HNRNPU: variants seen among roughly 807,000 people sequenced by gnomAD.
HNRNPU encodes heterogeneous nuclear ribonucleoprotein U, also known as HNRNPU antisense RNA 1.
In HNRNPU, 5 loss-of-function variants were observed where a neutral mutation model predicts 94.7. The observed-to-expected ratio is 0.05, with a 90% CI of 0.03 to 0.11. The LOEUF (loss-of-function observed/expected upper bound fraction) is 0.11. HNRNPU is among the 10% of genes least tolerant of loss of function. HNRNPU has a pLI of 1.00. For missense variants in HNRNPU, 710 were observed against 1,049.2 expected (o/e 0.68, Z 4.47); for synonymous variants, 434 against 381.6 (o/e 1.14, Z -1.60).
At chr1:244,857,345 A>G (rs570316164) in intron 8 of HNRNPU, 20 of 355,428 alleles carry the variant, frequency 5.6e-5, no homozygotes, top group Middle Eastern at 7.8e-4. Context: ...TCCCAGGTTC[A>G]AGTAATTGTC....
intron 1 of HNRNPU, 165 bp from the exon 2 acceptor site, chr1:244,862,895 G>A: frequency 4.6e-6 from 3 of 650,748 alleles, no homozygotes; most frequent in Non-Finnish European, 8.3e-6. Flanking sequence ...AATTCGATTG[G>A]CGCTAGTGAC....
rs141285794 is a variant in HNRNPU, at chr1:244,860,218, T to C, written c.1017+117A>G. On this transcript the variant is annotated intron_variant, in intron 4 of 13. Transcript: ENST00000640218. Reference sequence around the variant, plus strand: ...GAGAGACTGAAGCAAGGAGAATCGCTTGAACCCAGGACGCGGAGGTTGCAG... The same window carrying C: ...GAGAGACTGAAGCAAGGAGAATCGCCTGAACCCAGGACGCGGAGGTTGCAG... The C allele has an allele frequency of 1.7e-3, 1,293 of 764,762 alleles. 13 individuals carry two copies. The African/African-American group carries it at 0.022, about 13-fold the overall frequency. 47.4% of individuals were successfully genotyped at this position (764,762 alleles called of 1,614,324 possible).
At chr1:244,855,116 G>A (rs918851091) in intron 12 of HNRNPU, 72 bp from the exon 13 acceptor site, 20 of 1,182,922 alleles carry the variant, frequency 1.7e-5, no homozygotes, top group South Asian at 7.3e-5. Context: ...TGAGAGAGAG[G>A]AGCAGAAATG....
intron 4 of HNRNPU, 188 bp from the exon 5 acceptor site, chr1:244,859,562 TTAAA>T (rs1680772862): frequency 4.9e-6 from 2 of 409,526 alleles, no homozygotes; most frequent in African/African-American, 2.0e-5. Context: ...ATTTAAAGAG[TTAAA>T]TACTTATTTG....
At chr1:244,859,456 G>A in intron 4 of HNRNPU, 82 bp from the exon 5 acceptor site, 3 of 685,538 alleles carry the variant, frequency 4.4e-6, no homozygotes, top group Non-Finnish European at 7.8e-6. Context: ...TTGCGCCACG[G>A]GCTAATCTTC....
In HNRNPU at chr1:244,855,521, G is replaced by T. The variant is rs1295026086; in HGVS notation, c.2255C>A (p.Pro752Gln). The change falls in exon 12 of 14, where the codon CCA becomes CAA. Residue 752 changes from proline (P) to glutamine (Q), a missense_variant. By Grantham distance (76) the Pro-to-Gln change is moderately conservative. This residue lies in a region of HNRNPU where 152 missense variants were observed against 238.9 expected (regional missense o/e 0.64). Coordinates refer to ENST00000640218, the MANE Select transcript of HNRNPU (RefSeq NM_031844.3). ...GGGGSGGIGY[P>Q]YPRAPVFPGR... The stretch of plus-strand genomic sequence containing the variant: ...AGGAAAAACAGGGGCACGAGGGTAT[G>T]GATAGCCGATTCCACCACTTCCTCC... 6.2e-7 allele frequency: 1 copy of T among 1,613,884 alleles called. No individual in the cohort carries two copies. Among genetic ancestry groups the T allele is most frequent in the African/African-American group, 1.3e-5 (1 of 74,888 alleles).
In HNRNPU at chr1:244,858,756, A is replaced by C; in HGVS notation, c.1203T>G (p.Asp401Glu). Residue 401 changes from aspartate to glutamate, a missense_variant, in exon 6 of 14, where the codon GAT (aspartate) becomes GAG (glutamate). Coordinates refer to ENST00000640218, the MANE Select transcript of HNRNPU (RefSeq NM_031844.3). ...CAAAACATGTAATCACATCATTTTC[A>C]TCAAACTTTTCTCCATAATCTTCAG... ...CETEDYGEKFDENDVITCFAN... is the reference protein window; with the variant it reads ...CETEDYGEKFEENDVITCFAN... 6.3e-7 allele frequency: 1 copy of C among 1,591,454 alleles called. No individual in the cohort carries two copies. The highest frequency in any genetic ancestry group is 1.1e-5 in the South Asian group (1 of 90,226).
intron 3 of HNRNPU, 56 bp downstream of exon 3, chr1:244,862,405 A>AC: frequency 8.1e-6 from 10 of 1,239,186 alleles, no homozygotes; most frequent in East Asian, 2.3e-5. Flanking sequence ...TAAAAAAAAA[A>AC]AAAAAAAAAC....
At chr1:244,860,086 G>A (rs1680786198) in intron 4 of HNRNPU, 1 of 384,620 alleles carries the variant, frequency 2.6e-6, no homozygotes, top group Non-Finnish European at 4.6e-6. Context: ...GATCACCTGA[G>A]GTCAAGAGTT....
In HNRNPU at chr1:244,859,263, A is replaced by C; in HGVS notation, c.1117+12T>G. 1 of 1,411,480 alleles carries C rather than the reference A, an allele frequency of 7.1e-7. No individual in the cohort carries two copies. Among genetic ancestry groups the C allele is most frequent in the Non-Finnish European group, 1.0e-6 (1 of 995,574 alleles). The allele number at this position is 1,411,480 out of a possible 1,614,324, so 87.4% of individuals were successfully genotyped here. ...CATTCATGAGCCCACATCAGTCAAA[A>C]AGAAGCTTTACCAAGTAACATTCCA... On this transcript the variant is annotated intron_variant, in intron 5 of 13. Coordinates refer to ENST00000640218, the MANE Select transcript of HNRNPU (RefSeq NM_031844.3).
rs770175312 is a variant in HNRNPU, at chr1:244,854,549, A to C, written c.2425-46T>G. ...TTTAAAGAAAAAACATCAATAAGCC[A>C]CTCAAACTGTTTTTAGGAAATGACA... On this transcript the variant is annotated intron_variant, in intron 13 of 13. Transcript: ENST00000640218. 2.5e-6 allele frequency: 3 copies of C among 1,224,050 alleles called. No individual in the cohort carries two copies. In the African/African-American group the frequency reaches 4.5e-5, roughly 18 times the overall value. The allele number at this position is 1,224,050 out of a possible 1,614,324, so 75.8% of individuals were successfully genotyped here. A position where few individuals can be genotyped will look rare whatever the true frequency, so the allele number is the denominator to read the frequency against.
chr1:244,856,309 T>G, intron 10 of HNRNPU, 148 bp downstream of exon 10: 1 of 1,151,612 alleles, frequency 8.7e-7, no homozygotes. Flanking sequence ...GCAATTTTAA[T>G]TCCTGAAGCA....
chr1:244,857,860 C>T (rs1573331426), intron 7 of HNRNPU, 143 bp from the exon 8 acceptor site: 1 of 1,313,678 alleles, frequency 7.6e-7, no homozygotes, highest in East Asian at 2.3e-5. Flanking sequence ...GAAAGATTAA[C>T]AGTCAACATA....
chr1:244,863,602 C>T lies in HNRNPU; in HGVS notation c.691+15G>A. ...CGGGCCTCCCGCCGCGCGCAACGTA[C>T]AACGCAGCACTCACCCGCCGCCGGA... On this transcript the variant is annotated intron_variant, in intron 1 of 13. Coordinates refer to ENST00000640218, the MANE Select transcript of HNRNPU (RefSeq NM_031844.3). 6.8e-7 allele frequency: 1 copy of T among 1,463,726 alleles called. No individual in the cohort carries two copies. Among genetic ancestry groups the T allele is most frequent in the Non-Finnish European group, 8.9e-7 (1 of 1,125,174 alleles). 90.7% of individuals were successfully genotyped at this position (1,463,726 alleles called of 1,614,324 possible).
Position 244,853,438 on chromosome 1 carries a change from C to T in HNRNPU, c.*1012G>A, listed in dbSNP as rs959068602. Reference sequence around the variant, plus strand: ...CAAACGTCTAAATTAATTTCTCCACCCACTTTCTTTAGAAAGAAAAAGAAA... The same window carrying T: ...CAAACGTCTAAATTAATTTCTCCACTCACTTTCTTTAGAAAGAAAAAGAAA... On this transcript the variant is annotated 3_prime_UTR_variant, in exon 14 of 14. Transcript: ENST00000640218. 5 of 152,442 alleles carry T rather than the reference C, an allele frequency of 3.3e-5. No individual in the cohort carries two copies. The highest frequency in any genetic ancestry group is 6.6e-5 in the Admixed American group (1 of 15,260). 9.4% of individuals were successfully genotyped at this position (152,442 alleles called of 1,614,324 possible).
intron 10 of HNRNPU, 71 bp downstream of exon 10, chr1:244,856,386 A>G (rs1680682026): frequency 2.0e-6 from 3 of 1,463,554 alleles, no homozygotes; most frequent in South Asian, 2.6e-5. Flanking sequence ...TAGTTACACA[A>G]GCAGAATATG....
intron 1 of HNRNPU, among the ~76,000 whole-genome samples, 156 bp downstream of exon 1, chr1:244,863,461 G>T (rs1317576243): frequency 1.3e-5 from 2 of 148,578 alleles, no homozygotes; most frequent in African/African-American, 5.0e-5. Flanking sequence ...GAGGCCTCTC[G>T]GCTAATCTGG....
At position 244,856,461 on chromosome 1, in the gene HNRNPU, C is replaced by T. The variant is rs1404578965; in HGVS notation, c.1908G>A (p.Met636Ile). Residue 636 changes from methionine (M) to isoleucine (I), a missense_variant, in exon 10 of 14, where the codon ATG becomes ATA. Physicochemically the swap from Met to Ile is conservative, Grantham distance 10 (BLOSUM62 1). This residue lies in a region of HNRNPU where 152 missense variants were observed against 238.9 expected (regional missense o/e 0.64). Transcript: ENST00000640218. ...AACAGAATTAAAATTCCATGCCTTT[C>T]ATTTTGAGGACCGCATGTTCTGGTA... Reference protein sequence around the residue: ...KDLPEHAVLKMKGNFTLPEVA... With the variant: ...KDLPEHAVLKIKGNFTLPEVA... The T allele has an allele frequency of 1.2e-6, 2 of 1,605,404 alleles. No individual in the cohort carries two copies. Among genetic ancestry groups the T allele is most frequent in the Non-Finnish European group, 1.7e-6 (2 of 1,177,368 alleles).
chr1:244,854,690 CG>C (rs1680628952), intron 13 of HNRNPU, 187 bp from the exon 14 acceptor site: 1 of 567,066 alleles, frequency 1.8e-6, no homozygotes, highest in Non-Finnish European at 3.1e-6. Flanking sequence ...CATTACAAAA[CG>C]AAACATCATG....
Sources: gnomAD v4.1 joint callset for allele counts (sites outside exome capture counted in the v4.1 genomes callset) on GRCh38, gnomAD v4.1.1 for gene constraint, gnomAD v4.1.1 regional missense constraint, MANE v1.5 for transcripts, NCBI Gene and HGNC (gene_info 2026-07-23, HGNC 2026-07-21) for gene names.